The following PILRA variants were observed in gnomAD, a reference collection of about 807,000 sequenced individuals.
PILRA encodes the protein paired immunoglobulin-like type 2 receptor alpha.
PILRA carries 37 observed loss-of-function variants against 33.1 expected under a neutral mutation model. The ratio of observed to expected loss-of-function variants is 1.12; its 90% CI spans 0.86 to 1.47. The LOEUF (loss-of-function observed/expected upper bound fraction) is 1.47. Ranked by LOEUF, PILRA falls within the 40% of genes most tolerant of loss-of-function variation. The pLI, the probability that PILRA is intolerant of heterozygous loss-of-function variation, is 0.00. For missense variants in PILRA, 312 were observed against 376.2 expected, an observed-to-expected ratio of 0.83 and a Z score of 1.41; for synonymous variants, 146 against 149.9, an observed-to-expected ratio of 0.97 and a Z score of 0.19.
intron 3 of PILRA, among the ~76,000 whole-genome samples, chr7:100,391,187 T>TAATA (rs1563121246): frequency 7.6e-4 from 87 of 114,120 alleles, no homozygotes; most frequent in African/African-American, 2.7e-3. Flanking sequence ...TAATAATAAT[T>TAATA]ATTATTATTA....
chr7:100,392,120 C>A (rs1161602405), intron 3 of PILRA, among the ~76,000 whole-genome samples: 1 of 152,118 alleles, frequency 6.6e-6, no homozygotes, highest in South Asian at 2.1e-4. Flanking sequence ...ACCAACCTGG[C>A]CAATGTGGTG....
chr7:100,399,135 C>T (rs1368132550), intron 4 of PILRA, among the ~76,000 whole-genome samples, 156 bp from the exon 5 acceptor site: 2 of 151,944 alleles, frequency 1.3e-5, no homozygotes, highest in African/African-American at 4.8e-5. Context: ...GATGGGGTCT[C>T]GCTATGTTGT....
chr7:100,382,949 TC>T, intron 2 of PILRA, among the ~76,000 whole-genome samples: 1 of 152,226 alleles, frequency 6.6e-6, no homozygotes, highest in Non-Finnish European at 1.5e-5. Flanking sequence ...GTCCGTGGCT[TC>T]ATTCTTGAAG....
At position 100,389,978 on chromosome 7, in the gene PILRA, AG is replaced by A; in HGVS notation, c.548del (p.Gly183AlafsTer10). On this transcript the variant is annotated frameshift_variant, in exon 3 of 7. Transcript: ENST00000198536. LOFTEE classifies it high-confidence loss of function. ...ACCACAACCGGCCTCAGGGTCACACAGGGCAAACGACGCTCAGACTCTTGGC... is the reference window on the plus strand; with the variant it reads ...ACCACAACCGGCCTCAGGGTCACACAGGCAAACGACGCTCAGACTCTTGGC... Reference protein sequence around the residue: ...TTTTTGLRVTQGKRRSDSWHI... With the variant: ...TTTTTGLRVTXGKRRSDSWHI... 6.2e-7 allele frequency: 1 copy of A among 1,613,998 alleles called. No individual in the cohort carries two copies. Among genetic ancestry groups the A allele is most frequent in the Non-Finnish European group, 8.5e-7 (1 of 1,179,966 alleles).
intron 4 of PILRA, among the ~76,000 whole-genome samples, chr7:100,398,776 G>A (rs1345554563): frequency 2.6e-5 from 4 of 152,056 alleles, no homozygotes; most frequent in East Asian, 3.9e-4. Context: ...AACTCACTGA[G>A]CACCGAGGGA....
At position 100,399,567 on chromosome 7, in the gene PILRA, C is replaced by G; in HGVS notation, c.758-14C>G. ...CGCCACCTGACCTTGGCACACCTTG[C>G]TTTTTATTCTTAGGACAAAATACAG... On this transcript the variant is annotated splice_polypyrimidine_tract_variant and intron_variant, in intron 5 of 6. Coordinates refer to ENST00000198536, the MANE Select transcript of PILRA (RefSeq NM_013439.3). 1 of 1,614,138 alleles carries G rather than the reference C, an allele frequency of 6.2e-7. No homozygotes were observed. Among genetic ancestry groups the G allele is most frequent in the Non-Finnish European group, 8.5e-7 (1 of 1,180,012 alleles).
At chr7:100,388,497 C>G (rs1266200212) in intron 2 of PILRA, among the ~76,000 whole-genome samples, 2 of 151,836 alleles carry the variant, frequency 1.3e-5, no homozygotes, top group Non-Finnish European at 2.9e-5. Context: ...CTTTAGGAAG[C>G]TGAGGCGGGC....
chr7:100,374,625 T>TG (rs1229963296), intron 2 of PILRA, 192 bp downstream of exon 2: 2 of 671,446 alleles, frequency 3.0e-6, no homozygotes, highest in Admixed American at 4.6e-5. Context: ...ACAACTGATC[T>TG]GCTTTCCCCA....
intron 3 of PILRA, among the ~76,000 whole-genome samples, chr7:100,395,708 A>T (rs1033528391): frequency 2.0e-5 from 3 of 152,170 alleles, no homozygotes; most frequent in African/African-American, 7.2e-5. Context: ...GCTACTATTT[A>T]AAAAGTGTGT....
chr7:100,379,654 G>A (rs1030272308), intron 2 of PILRA, among the ~76,000 whole-genome samples: 6 of 141,620 alleles, frequency 4.2e-5, no homozygotes, highest in African/African-American at 1.6e-4. Context: ...AGCAACAGAC[G>A]GAGACTCTGT....
At chr7:100,382,245 TA>T (rs1168487018) in intron 2 of PILRA, among the ~76,000 whole-genome samples, 1 of 152,176 alleles carries the variant, frequency 6.6e-6, no homozygotes, top group Non-Finnish European at 1.5e-5. Flanking sequence ...TAAGAGATTG[TA>T]AATACACCAA....
In PILRA at chr7:100,373,578, C is replaced by G; in HGVS notation, c.-79C>G. On this transcript the variant is annotated 5_prime_UTR_variant, in exon 1 of 7. Coordinates refer to ENST00000198536, the MANE Select transcript of PILRA (RefSeq NM_013439.3). ...GGCTCTCCTCACTCACCTCAACCCC[C>G]AGGCGGCCCCTCCACAGGGCCCCTC... The G allele has an allele frequency of 6.5e-7, 1 of 1,534,528 alleles. No individual in the cohort carries two copies. Among genetic ancestry groups the G allele is most frequent in the Non-Finnish European group, 9.0e-7 (1 of 1,112,580 alleles).
intron 3 of PILRA, among the ~76,000 whole-genome samples, chr7:100,395,345 G>C (rs1304748449): frequency 6.6e-6 from 1 of 152,126 alleles, no homozygotes. Context: ...TGGGTTCACT[G>C]TCTTCTAATC....
chr7:100,398,639 G>A (rs1244129116), intron 4 of PILRA, among the ~76,000 whole-genome samples: 5 of 152,132 alleles, frequency 3.3e-5, no homozygotes, highest in African/African-American at 1.2e-4. Context: ...TGAAATTCAC[G>A]CAATTGTTTT....
At position 100,374,030 on chromosome 7, in the gene PILRA, C is replaced by T. The variant is rs113361591; in HGVS notation, c.65-14C>T. 4 of 1,611,412 alleles carry T rather than the reference C, an allele frequency of 2.5e-6. No individual in the cohort carries two copies. Among genetic ancestry groups the T allele is most frequent in the African/African-American group, 1.3e-5 (1 of 74,960 alleles). ...TTCAAGGTCTCTCCCCTACTCACTC[C>T]CTCCCTCCTCTAGGTGGCTCCACAG... On this transcript the variant is annotated splice_polypyrimidine_tract_variant and intron_variant, in intron 1 of 6. Transcript: ENST00000198536.
At chr7:100,376,915 C>G (rs754779788) in intron 2 of PILRA, among the ~76,000 whole-genome samples, 11 of 151,742 alleles carry the variant, frequency 7.2e-5, no homozygotes, top group Non-Finnish European at 1.5e-5. Flanking sequence ...GCACGCACCA[C>G]CACACCTGGC....
chr7:100,399,916 C>A lies in PILRA; in HGVS notation c.*9C>A. Reference sequence around the variant, plus strand: ...CTGTCTTAAAGGCCTAACCAATGGACAGCCCTCTCAAGACTGAATGGTGAG... The same window carrying A: ...CTGTCTTAAAGGCCTAACCAATGGAAAGCCCTCTCAAGACTGAATGGTGAG... On this transcript the variant is annotated 3_prime_UTR_variant, in exon 7 of 7. Transcript: ENST00000198536. 6.3e-7 allele frequency: 1 copy of A among 1,593,478 alleles called. No individual in the cohort carries two copies. Among genetic ancestry groups the A allele is most frequent in the Non-Finnish European group, 8.5e-7 (1 of 1,170,182 alleles).
chr7:100,380,201 G>A (rs908516786), intron 2 of PILRA, among the ~76,000 whole-genome samples: 3 of 152,290 alleles, frequency 2.0e-5, no homozygotes, highest in African/African-American at 2.4e-5. Context: ...CCCCAGCACC[G>A]GGGACTATAT....
chr7:100,374,216 G>T lies in PILRA; in HGVS notation c.237G>T (p.Gln79His). The T allele has an allele frequency of 6.2e-7, 1 of 1,614,166 alleles. No individual in the cohort carries two copies. The highest frequency in any genetic ancestry group is 8.5e-7 in the Non-Finnish European group (1 of 1,180,028). Residue 79 changes from glutamine to histidine, a missense_variant, in exon 2 of 7, where the codon CAG becomes CAT. Physicochemically the swap from Gln to His is conservative, Grantham distance 24. Transcript: ENST00000198536. ...GGAGACGGGGCCACTTCCACAGGCA[G>T]TCCTTCTACAGCACAAGGCCGCCTT... Reference protein sequence around the residue: ...ISWRRGHFHRQSFYSTRPPSI... With the variant: ...ISWRRGHFHRHSFYSTRPPSI...
Sources: gnomAD v4.1 joint callset for allele counts (sites outside exome capture counted in the v4.1 genomes callset) on GRCh38, gnomAD v4.1.1 for gene constraint, MANE v1.5 for transcripts, NCBI Gene and HGNC (gene_info 2026-07-23, HGNC 2026-07-21) for gene names.